Variants in ROBO1 observed in about 807,000 individuals in gnomAD.
ROBO1 encodes the protein roundabout homolog 1.
Under a neutral mutation model 195.9 loss-of-function variants are expected in ROBO1, and 149 were observed. The observed-to-expected ratio is 0.76, with a 90% CI of 0.67 to 0.87. The LOEUF is 0.87. Among genes scored for constraint, ROBO1 ranks in the 40% least tolerant of loss-of-function variants. The pLI is 0.00. For missense variants in ROBO1, 1,933 were observed against 2,068.3 expected, an observed-to-expected ratio of 0.93 and a Z score of 1.27; for synonymous variants, 816 against 733.2, an observed-to-expected ratio of 1.11 and a Z score of -1.82.
chr3:79,177,565 T>G (rs953604852), intron 2 of ROBO1, among the ~76,000 whole-genome samples: 1 of 152,210 alleles, frequency 6.6e-6, no homozygotes, highest in African/African-American at 2.4e-5. Context: ...TTTCCTCTCA[T>G]GGACTGAAGG....
intron 2 of ROBO1, among the ~76,000 whole-genome samples, chr3:79,408,946 C>T (rs1391356206): frequency 6.6e-6 from 1 of 152,006 alleles, no homozygotes; most frequent in Non-Finnish European, 1.5e-5. Flanking sequence ...TTTGAAGTGT[C>T]CATTTATTCA....
intron 2 of ROBO1, 47 bp downstream of exon 2, chr3:79,589,777 G>A (rs1418885318): frequency 2.1e-6 from 3 of 1,414,058 alleles, no homozygotes; most frequent in Non-Finnish European, 3.0e-6. Context: ...TTAAAGCAAA[G>A]AGGGAATACT....
intron 2 of ROBO1, among the ~76,000 whole-genome samples, chr3:79,337,745 C>T (rs1429154564): frequency 6.6e-6 from 1 of 152,110 alleles, no homozygotes; most frequent in African/African-American, 2.4e-5. Context: ...AATCAATTTT[C>T]TTACAAAGCC....
intron 4 of ROBO1, among the ~76,000 whole-genome samples, chr3:78,846,090 C>T (rs1358062489): frequency 6.6e-6 from 1 of 151,980 alleles, no homozygotes; most frequent in East Asian, 1.9e-4. Context: ...CTTCTCGCCA[C>T]TAAACACTAG....
At chr3:79,289,611 A>G (rs1196627507) in intron 2 of ROBO1, among the ~76,000 whole-genome samples, 2 of 152,224 alleles carry the variant, frequency 1.3e-5, no homozygotes, top group African/African-American at 4.8e-5. Flanking sequence ...AGTACCATAG[A>G]TAATTCTCAA....
chr3:79,418,405 G>A (rs2038094151), intron 2 of ROBO1, among the ~76,000 whole-genome samples: 1 of 152,006 alleles, frequency 6.6e-6, no homozygotes, highest in Admixed American at 6.6e-5. Flanking sequence ...GATATATGTG[G>A]CCTGAAAATA....
intron 1 of ROBO1, among the ~76,000 whole-genome samples, chr3:79,695,209 A>G (rs1031232237): frequency 8.6e-5 from 13 of 151,578 alleles, no homozygotes; most frequent in African/African-American, 3.1e-4. Flanking sequence ...TAAAAATTAA[A>G]AATAAAAACT....
chr3:79,655,489 T>C (rs764441396), intron 1 of ROBO1, among the ~76,000 whole-genome samples: 1 of 152,082 alleles, frequency 6.6e-6, no homozygotes, highest in Non-Finnish European at 1.5e-5. Flanking sequence ...GAATGTATGT[T>C]GGAGTATAGT....
At chr3:78,803,502 G>C (rs1451338752) in intron 4 of ROBO1, among the ~76,000 whole-genome samples, 1 of 152,072 alleles carries the variant, frequency 6.6e-6, no homozygotes, top group Non-Finnish European at 1.5e-5. Flanking sequence ...TGAGATGTTA[G>C]CTTAGACAGA....
intron 10 of ROBO1, among the ~76,000 whole-genome samples, chr3:78,683,172 C>T (rs1280546782): frequency 1.3e-5 from 2 of 151,744 alleles, no homozygotes; most frequent in African/African-American, 2.4e-5. Flanking sequence ...CATGAAACAC[C>T]TAGGTATAAA....
chr3:78,942,768 T>C (rs1236871354), intron 3 of ROBO1, among the ~76,000 whole-genome samples: 1 of 152,144 alleles, frequency 6.6e-6, no homozygotes, highest in African/African-American at 2.4e-5. Context: ...CCAGGCCCAG[T>C]GGCACACGCC....
At chr3:79,706,967 T>C (rs1947792135) in intron 1 of ROBO1, among the ~76,000 whole-genome samples, 1 of 152,118 alleles carries the variant, frequency 6.6e-6, no homozygotes, top group South Asian at 2.1e-4. Context: ...TGTAGGTTTT[T>C]TTTCTTGTGC....
intron 4 of ROBO1, among the ~76,000 whole-genome samples, chr3:78,852,348 G>C (rs146673690): frequency 1.3e-5 from 2 of 151,984 alleles, no homozygotes; most frequent in African/African-American, 4.8e-5. Flanking sequence ...TTCTCTCTTC[G>C]GCATGGAAGA....
At chr3:79,297,144 A>G (rs562253877) in intron 2 of ROBO1, among the ~76,000 whole-genome samples, 1 of 152,288 alleles carries the variant, frequency 6.6e-6, no homozygotes, top group South Asian at 2.1e-4. Flanking sequence ...TTTCCTCTGC[A>G]AGGCTAACCA....
chr3:79,706,263 T>G (rs1420120051), intron 1 of ROBO1, among the ~76,000 whole-genome samples: 3 of 152,156 alleles, frequency 2.0e-5, no homozygotes, highest in African/African-American at 7.2e-5. Context: ...TTTCTCATGA[T>G]TAAGTATGAG....
At chr3:79,176,786 A>G (rs994756587) in intron 2 of ROBO1, among the ~76,000 whole-genome samples, 6 of 152,176 alleles carry the variant, frequency 3.9e-5, no homozygotes, top group African/African-American at 9.7e-5. Flanking sequence ...AACCAGTATT[A>G]TCTTCCTCCC....
At chr3:78,719,896 C>A (rs1404830236) in intron 5 of ROBO1, among the ~76,000 whole-genome samples, 2 of 151,940 alleles carry the variant, frequency 1.3e-5, no homozygotes, top group Non-Finnish European at 2.9e-5. Context: ...AAAGGTATAC[C>A]CAACTTAAGG....
intron 2 of ROBO1, among the ~76,000 whole-genome samples, chr3:79,417,766 G>T (rs766309314): frequency 6.6e-5 from 10 of 152,136 alleles, no homozygotes; most frequent in African/African-American, 2.4e-4. Flanking sequence ...TTGCACAATT[G>T]CATTCTAATC....
chr3:79,559,534 A>C (rs1942829712), intron 2 of ROBO1, among the ~76,000 whole-genome samples: 1 of 152,214 alleles, frequency 6.6e-6, no homozygotes, highest in Non-Finnish European at 1.5e-5. Context: ...TTTCGATTTT[A>C]GAATTTTTGT....
Sources: gnomAD v4.1 joint callset for allele counts (sites outside exome capture counted in the v4.1 genomes callset) on GRCh38, gnomAD v4.1.1 for gene constraint, MANE v1.5 for transcripts, NCBI Gene and HGNC (gene_info 2026-07-23, HGNC 2026-07-21) for gene names.